Variants in ADGRB3 observed in about 807,000 individuals in gnomAD.
The protein encoded by ADGRB3 is brain-specific angiogenesis inhibitor 3.
In ADGRB3, 37 loss-of-function variants were observed where a neutral mutation model predicts 193.4. The ratio of observed to expected loss-of-function variants is 0.19; its 90% CI spans 0.15 to 0.25. The LOEUF (loss-of-function observed/expected upper bound fraction) is 0.25. ADGRB3 is among the 10% of genes least tolerant of loss of function. The pLI is 1.00. For missense variants in ADGRB3, 1,637 were observed against 1,852.9 expected, an observed-to-expected ratio of 0.88 and a Z score of 2.14; for synonymous variants, 690 against 644.2, an observed-to-expected ratio of 1.07 and a Z score of -1.08.
chr6:69,025,676 T>G (rs972749350), intron 13 of ADGRB3, among the ~76,000 whole-genome samples: 1 of 152,018 alleles, frequency 6.6e-6, no homozygotes, highest in African/African-American at 2.4e-5. Context: ...TTTCTGTAGG[T>G]CAGGAAAAAA....
chr6:69,029,058 T>C (rs549992631), intron 13 of ADGRB3, among the ~76,000 whole-genome samples: 1 of 152,270 alleles, frequency 6.6e-6, no homozygotes, highest in African/African-American at 2.4e-5. Flanking sequence ...CCCCTTTACA[T>C]CTTGGTAATT....
At chr6:69,195,704 G>GC (rs1554167946) in intron 17 of ADGRB3, among the ~76,000 whole-genome samples, 2 of 149,264 alleles carry the variant, frequency 1.3e-5, no homozygotes, top group Admixed American at 1.3e-4. Flanking sequence ...AATACACAAA[G>GC]TTTTTTTTTT....
chr6:68,916,024 A>G (rs983956937), intron 3 of ADGRB3, among the ~76,000 whole-genome samples: 1 of 152,054 alleles, frequency 6.6e-6, no homozygotes, highest in African/African-American at 2.4e-5. Context: ...ACAGAAAAAT[A>G]TGCAGAAGAA....
intron 29 of ADGRB3, among the ~76,000 whole-genome samples, chr6:69,370,537 A>T (rs1769685798): frequency 6.6e-6 from 1 of 152,130 alleles, no homozygotes; most frequent in Non-Finnish European, 1.5e-5. Flanking sequence ...TTTTAATAAA[A>T]TTAAATAGGA....
chr6:69,030,003 C>CACACACACAT (rs754945190), intron 13 of ADGRB3, among the ~76,000 whole-genome samples: 8 of 147,928 alleles, frequency 5.4e-5, no homozygotes, highest in African/African-American at 2.0e-4. Context: ...CACACACACA[C>CACACACACAT]ATATATATAT....
intron 3 of ADGRB3, among the ~76,000 whole-genome samples, chr6:68,851,033 A>G (rs903619539): frequency 3.0e-4 from 45 of 151,872 alleles, no homozygotes; most frequent in Admixed American, 2.6e-3. Context: ...ATTCTGTTCC[A>G]TCAGTTACTT....
At chr6:68,907,611 G>T (rs143374362) in intron 3 of ADGRB3, among the ~76,000 whole-genome samples, 1 of 151,662 alleles carries the variant, frequency 6.6e-6, no homozygotes, top group African/African-American at 2.4e-5. Context: ...GACTTTACCA[G>T]GTTTATAGAA....
intron 17 of ADGRB3, among the ~76,000 whole-genome samples, chr6:69,218,043 A>T (rs1765805707): frequency 6.7e-6 from 1 of 148,586 alleles, no homozygotes; most frequent in Non-Finnish European, 1.5e-5. Context: ...TCTGGTGAAC[A>T]TGTAAAAGCC....
At position 69,139,353 on chromosome 6, in the gene ADGRB3, C is replaced by A. The variant is rs1209077091; in HGVS notation, c.2480+63315C>A. ...ATTCAGACTGGTTGGTTCCTTAGTA[C>A]CCTGTTAGTACAAAAAGTAACTGCT... On this transcript the variant is annotated intron_variant, in intron 17 of 31. Transcript: ENST00000370598. Among the ~76,000 whole-genome samples, 4 of 152,112 alleles carry A rather than the reference C, an allele frequency of 2.6e-5. No individual in the cohort carries two copies. The East Asian group carries it at 7.7e-4, about 29-fold the overall frequency.
intron 3 of ADGRB3, among the ~76,000 whole-genome samples, chr6:68,823,316 T>G (rs181756255): frequency 2.0e-5 from 3 of 152,042 alleles, no homozygotes; most frequent in Non-Finnish European, 4.4e-5. Flanking sequence ...AAAATTGAAT[T>G]TACTTAAAAA....
intron 17 of ADGRB3, among the ~76,000 whole-genome samples, chr6:69,152,657 G>A (rs1444032945): frequency 6.6e-6 from 1 of 152,162 alleles, no homozygotes; most frequent in Non-Finnish European, 1.5e-5. Flanking sequence ...AAATACATAA[G>A]TAGAACTGAG....
rs1306265591 is a variant in ADGRB3 at position 68,638,937 on chromosome 6, T to A, written c.262T>A (p.Tyr88Asn). ...CTGCTCTAACTTTTCACTCCTGGCT[T>A]ATCAGTTTGATCATTTTTCCCATGA... ...LSCSNFSLLA[Y>N]QFDHFSHEKI... Residue 88 changes from tyrosine to asparagine, a missense_variant, in exon 3 of 32, where the codon TAT becomes AAT. Physicochemically the swap from Tyr to Asn is moderately radical, Grantham distance 143. Transcript: ENST00000370598. 1 of 1,614,166 alleles carries A rather than the reference T, an allele frequency of 6.2e-7. No homozygotes were observed. Among genetic ancestry groups the A allele is most frequent in the Admixed American group, 1.7e-5 (1 of 60,028 alleles).
chr6:69,136,517 A>G (rs957834175), intron 17 of ADGRB3, among the ~76,000 whole-genome samples: 2 of 152,122 alleles, frequency 1.3e-5, no homozygotes, highest in Non-Finnish European at 2.9e-5. Flanking sequence ...TCTTTTATTT[A>G]ATATTAAATT....
chr6:69,367,079 T>A (rs1349057408), intron 29 of ADGRB3, among the ~76,000 whole-genome samples: 1 of 152,140 alleles, frequency 6.6e-6, no homozygotes, highest in Admixed American at 6.6e-5. Flanking sequence ...GTGTCATTTA[T>A]TGTAAGAAAT....
chr6:68,975,072 G>A lies in ADGRB3; in HGVS notation c.1628-162G>A, dbSNP rs891504938. 5.3e-5 allele frequency among the ~76,000 whole-genome samples: 8 copies of A among 152,136 alleles called. No homozygotes were observed. In the South Asian group the frequency reaches 1.7e-3, roughly 32 times the overall value. On this transcript the variant is annotated intron_variant, in intron 9 of 31. Transcript: ENST00000370598. ...ATTGCTGGTGTAATTGTTTCTCAGT[G>A]TGACTAATATGCATTATAAAAATAA...
chr6:69,243,383 G>A (rs569830555), intron 20 of ADGRB3, among the ~76,000 whole-genome samples: 38 of 152,006 alleles, frequency 2.5e-4, no homozygotes, highest in African/African-American at 8.7e-4. Context: ...CAGTGAGGTG[G>A]ACATAGCAAC....
At chr6:69,048,404 A>G (rs1771299828) in intron 14 of ADGRB3, 70 bp downstream of exon 14, 7 of 1,415,776 alleles carry the variant, frequency 4.9e-6, no homozygotes, top group African/African-American at 1.4e-5. Context: ...GAAATTAGGT[A>G]TAAATCTTCA....
At chr6:69,226,329 G>A (rs1040697764) in intron 17 of ADGRB3, among the ~76,000 whole-genome samples, 6 of 152,168 alleles carry the variant, frequency 3.9e-5, no homozygotes, top group African/African-American at 1.4e-4. Context: ...AATGAATGAT[G>A]TAGGAAACTC....
At chr6:69,109,751 G>C (rs1293748160) in intron 17 of ADGRB3, among the ~76,000 whole-genome samples, 1 of 152,152 alleles carries the variant, frequency 6.6e-6, no homozygotes, top group South Asian at 2.1e-4. Flanking sequence ...TGCAATGGAA[G>C]CGGAAAGGGG....
Sources: allele counts gnomAD v4.1 joint callset (sites outside exome capture counted in the v4.1 genomes callset), GRCh38; gene constraint gnomAD v4.1.1; transcripts MANE v1.5; gene names NCBI Gene and HGNC (gene_info 2026-07-23, HGNC 2026-07-21).